The following RORA variants were observed in gnomAD, a reference collection of about 807,000 sequenced individuals.
The protein encoded by RORA is RAR related orphan receptor A.
A neutral mutation model predicts 69.5 loss-of-function variants in RORA; 7 were observed. The observed-to-expected ratio is 0.10, with a 90% CI of 0.06 to 0.19. RORA has a LOEUF of 0.19. RORA is among the 10% of genes least tolerant of loss of function. The pLI, the probability that RORA is intolerant of heterozygous loss-of-function variation, is 1.00. For missense variants in RORA, 457 were observed against 663.0 expected (o/e 0.69, Z 3.41); for synonymous variants, 261 against 240.8 (o/e 1.08, Z -0.78).
intron 2 of RORA, among the ~76,000 whole-genome samples, chr15:60,573,978 T>C (rs2067955489): frequency 6.6e-6 from 1 of 152,208 alleles, no homozygotes; most frequent in African/African-American, 2.4e-5. Context: ...TCAATCCATT[T>C]CTATGTGTAT....
chr15:60,907,043 C>A (rs1891563280), intron 1 of RORA, among the ~76,000 whole-genome samples: 1 of 152,066 alleles, frequency 6.6e-6, no homozygotes, highest in Admixed American at 6.6e-5. Flanking sequence ...GGGTTTGAAC[C>A]CGATTTTCTG....
intron 1 of RORA, among the ~76,000 whole-genome samples, chr15:61,118,823 G>A (rs2140807758): frequency 6.6e-6 from 1 of 152,120 alleles, no homozygotes; most frequent in South Asian, 2.1e-4. Flanking sequence ...ACTCCCAACT[G>A]TTTTTTGAAA....
intron 1 of RORA, among the ~76,000 whole-genome samples, chr15:61,048,863 A>T (rs548374385): frequency 6.6e-6 from 1 of 152,280 alleles, no homozygotes; most frequent in Non-Finnish European, 1.5e-5. Flanking sequence ...GGCCTCAGAC[A>T]CAGTCAAGGA....
chr15:60,686,154 A>T (rs1206435937), intron 1 of RORA, among the ~76,000 whole-genome samples: 2 of 152,212 alleles, frequency 1.3e-5, no homozygotes, highest in African/African-American at 4.8e-5. Flanking sequence ...CAGGCAGACC[A>T]GAAGTATGCC....
intron 2 of RORA, among the ~76,000 whole-genome samples, chr15:60,570,990 C>G (rs2067863098): frequency 6.6e-6 from 1 of 152,144 alleles, no homozygotes; most frequent in Non-Finnish European, 1.5e-5. Flanking sequence ...CTGTCTGTAT[C>G]CTGCCTTGTA....
At chr15:60,895,004 T>G (rs1197012935) in intron 1 of RORA, among the ~76,000 whole-genome samples, 3 of 152,174 alleles carry the variant, frequency 2.0e-5, no homozygotes, top group African/African-American at 7.2e-5. Context: ...AGATAATGCC[T>G]GTCTGAGCAA....
rs952672496 is a variant in RORA at position 61,226,720 on chromosome 15, C to G, written c.166+2333G>C. Among the ~76,000 whole-genome samples the G allele has an allele frequency of 6.6e-6, 1 of 152,240 alleles. No homozygotes were observed. Among genetic ancestry groups the G allele is most frequent in the African/African-American group, 2.4e-5 (1 of 41,462 alleles). On this transcript the variant is annotated intron_variant, in intron 1 of 10. Transcript: ENST00000335670. The surrounding 1 kb of genome is among the most constrained non-coding windows in gnomAD (Gnocchi z 4.2). ...CTACTGCTGTGTTAGCTAAAGGATG[C>G]CTCCATCTCTGACCTTCCTTTTTCC...
intron 1 of RORA, among the ~76,000 whole-genome samples, chr15:60,866,851 T>C (rs201013192): frequency 6.9e-6 from 1 of 145,582 alleles, no homozygotes; most frequent in Non-Finnish European, 1.5e-5. Flanking sequence ...TATCTATCTA[T>C]CTACCTACCT....
Position 60,917,614 on chromosome 15 carries a change from G to A in RORA, c.167-238928C>T, listed in dbSNP as rs187873263. Among the ~76,000 whole-genome samples, 57 of 152,282 alleles carry A rather than the reference G, an allele frequency of 3.7e-4. No homozygotes were observed. The East Asian group carries it at 8.5e-3, about 23-fold the overall frequency. On this transcript the variant is annotated intron_variant, in intron 1 of 10. Transcript: ENST00000335670. ...GAAAGTAGGGAAACGTCGGCCGAGG[G>A]GCAGCTGTGTTTGCTGGGCCAGAGC...
intron 1 of RORA, among the ~76,000 whole-genome samples, chr15:60,875,206 G>C (rs1193264939): frequency 1.3e-5 from 2 of 152,100 alleles, no homozygotes; most frequent in Non-Finnish European, 2.9e-5. Context: ...ACCTAGAACA[G>C]TGCCTGGTAC....
At chr15:60,838,009 C>T (rs1393539959) in intron 1 of RORA, among the ~76,000 whole-genome samples, 1 of 152,150 alleles carries the variant, frequency 6.6e-6, no homozygotes, top group Non-Finnish European at 1.5e-5. Context: ...AACAACCCGG[C>T]TCTATCCCAT....
intron 2 of RORA, among the ~76,000 whole-genome samples, chr15:60,556,571 G>A (rs10431796): frequency 0.38 from 57,584 of 152,012 alleles, 12,091 homozygotes; most frequent in East Asian, 0.75. Flanking sequence ...CTTAGTTCTC[G>A]TGTTCACTCT....
chr15:60,915,772 G>C (rs534343391), intron 1 of RORA, among the ~76,000 whole-genome samples: 1 of 152,172 alleles, frequency 6.6e-6, no homozygotes, highest in Non-Finnish European at 1.5e-5. Flanking sequence ...TAGCTCGCTC[G>C]AATGTGGGTT....
intron 2 of RORA, among the ~76,000 whole-genome samples, chr15:60,663,806 A>G (rs761086610): frequency 1.1e-4 from 16 of 152,184 alleles, no homozygotes; most frequent in Non-Finnish European, 2.1e-4. Context: ...TAATAGAAGA[A>G]TCATGTACGA....
At chr15:60,966,279 G>A (rs1042629692) in intron 1 of RORA, among the ~76,000 whole-genome samples, 2 of 152,134 alleles carry the variant, frequency 1.3e-5, no homozygotes, top group Non-Finnish European at 2.9e-5. Flanking sequence ...ATGGTCACAT[G>A]CTGAGTATGG....
At chr15:60,517,110 C>CTTTTTTTTTTTTTTTTTT (rs34707279) in intron 3 of RORA, among the ~76,000 whole-genome samples, 1 of 141,276 alleles carries the variant, frequency 7.1e-6, no homozygotes, top group African/African-American at 2.8e-5. Context: ...TTCATCTGTG[C>CTTTTTTTTTTTTTTTTTT]TTTTTTTTTT....
chr15:60,878,311 T>A (rs1461324250), intron 1 of RORA, among the ~76,000 whole-genome samples: 1 of 118,350 alleles, frequency 8.4e-6, no homozygotes, highest in Non-Finnish European at 1.6e-5. Context: ...GGCATTGCAC[T>A]CCAGCCTGGG....
chr15:60,778,960 G>A (rs73428316), intron 1 of RORA, among the ~76,000 whole-genome samples: 1 of 152,064 alleles, frequency 6.6e-6, no homozygotes, highest in East Asian at 1.9e-4. Flanking sequence ...AATGATATAG[G>A]CTTAATAATA....
intron 2 of RORA, among the ~76,000 whole-genome samples, chr15:60,579,092 C>T (rs1279374719): frequency 7.1e-6 from 1 of 140,574 alleles, no homozygotes; most frequent in Non-Finnish European, 1.5e-5. Context: ...TTTTTAACAG[C>T]AACTGCACAG....
Sources: allele counts gnomAD v4.1 joint callset (sites outside exome capture counted in the v4.1 genomes callset), GRCh38; gene constraint gnomAD v4.1.1; non-coding constraint Gnocchi (gnomAD v3.1); transcripts MANE v1.5; gene names NCBI Gene and HGNC (gene_info 2026-07-23, HGNC 2026-07-21).